FAT3: variants seen among roughly 807,000 people sequenced by gnomAD.
FAT3 encodes protocadherin Fat 3.
In FAT3, 95 loss-of-function variants were observed where a neutral mutation model predicts 310.2. The ratio of observed to expected loss-of-function variants is 0.31; its 90% CI spans 0.26 to 0.36. FAT3 has a LOEUF of 0.36. Ranked by LOEUF, FAT3 falls within the 10% of genes least tolerant of loss-of-function variation. The pLI is 1.00. For missense variants in FAT3, 5,408 were observed against 5,715.6 expected (o/e 0.95, Z 1.74); for synonymous variants, 2,314 against 2,192.9 (o/e 1.06, Z -1.54).
rs1452577850 is a variant in FAT3 at position 92,471,179 on chromosome 11, G to GCCTAAATT, written c.3293-53455_3293-53454insCCTAAATT. Among the ~76,000 whole-genome samples the GCCTAAATT allele has an allele frequency of 4.6e-5, 7 of 152,182 alleles. No homozygotes were observed. The East Asian group carries it at 1.4e-3, about 29-fold the overall frequency. On this transcript the variant is annotated intron_variant, in intron 2 of 27. Transcript: ENST00000525166. ...CCTATTATAAGCAATGCTTTGATAAGTATCCGAAGCCTAAATCTTTTAGCA... is the reference window on the plus strand; with the variant it reads ...CCTATTATAAGCAATGCTTTGATAAGCCTAAATTTATCCGAAGCCTAAATCTTTTAGCA...
At chr11:92,342,609 C>T (rs11019912) in intron 1 of FAT3, among the ~76,000 whole-genome samples, 3 of 152,006 alleles carry the variant, frequency 2.0e-5, no homozygotes, top group Non-Finnish European at 2.9e-5. Context: ...TTTTGCCCCC[C>T]GACTATTGGA....
chr11:92,599,115 G>A (rs940547496), intron 3 of FAT3, among the ~76,000 whole-genome samples: 2 of 152,086 alleles, frequency 1.3e-5, no homozygotes, highest in Non-Finnish European at 2.9e-5. Context: ...ACTATTCAGG[G>A]GAGTACACTT....
At chr11:92,603,284 T>C (rs1311572919) in intron 3 of FAT3, among the ~76,000 whole-genome samples, 7 of 152,210 alleles carry the variant, frequency 4.6e-5, no homozygotes, top group Admixed American at 1.3e-4. Context: ...GCGTGCAATT[T>C]CATAGTAACT....
At chr11:92,551,536 T>A (rs1240112101) in intron 3 of FAT3, among the ~76,000 whole-genome samples, 1 of 151,970 alleles carries the variant, frequency 6.6e-6, no homozygotes, top group East Asian at 1.9e-4. Flanking sequence ...TTCTGTATTT[T>A]ACAATGACTC....
At chr11:92,367,985 G>T (rs1012611550) in intron 2 of FAT3, among the ~76,000 whole-genome samples, 1 of 152,216 alleles carries the variant, frequency 6.6e-6, no homozygotes, top group Non-Finnish European at 1.5e-5. Context: ...GAACAAAATT[G>T]TGTTTGTTTA....
intron 19 of FAT3, among the ~76,000 whole-genome samples, chr11:92,855,980 C>CCT (rs374247060): frequency 7.7e-6 from 1 of 129,240 alleles, no homozygotes; most frequent in Non-Finnish European, 1.6e-5. Flanking sequence ...GGACAATATG[C>CCT]TTTTTTTTTT....
chr11:92,823,439 A>C (rs1392514314), intron 13 of FAT3, among the ~76,000 whole-genome samples: 1 of 152,176 alleles, frequency 6.6e-6, no homozygotes, highest in Admixed American at 6.5e-5. Context: ...CAATGGGGCC[A>C]GTTTTATAGG....
At chr11:92,777,262 A>T (rs1251732989) in intron 7 of FAT3, among the ~76,000 whole-genome samples, 1 of 152,192 alleles carries the variant, frequency 6.6e-6, no homozygotes, top group African/African-American at 2.4e-5. Flanking sequence ...TCATCCATAA[A>T]CAACATGTTG....
chr11:92,790,385 T>C (rs1320516600), intron 8 of FAT3, among the ~76,000 whole-genome samples, 167 bp downstream of exon 8: 2 of 152,214 alleles, frequency 1.3e-5, no homozygotes, highest in African/African-American at 2.4e-5. Context: ...AATGAAGAAT[T>C]ACTGTTGTTA....
chr11:92,378,075 C>T (rs1395941212), intron 2 of FAT3, among the ~76,000 whole-genome samples: 3 of 152,102 alleles, frequency 2.0e-5, no homozygotes, highest in Admixed American at 6.5e-5. Context: ...TCAAAAATTA[C>T]AGTAGCTTAC....
chr11:92,789,843 C>G (rs1946989830), intron 7 of FAT3, 100 bp from the exon 8 acceptor site: 1 of 1,251,814 alleles, frequency 8.0e-7, no homozygotes, highest in South Asian at 1.4e-5. Context: ...AAGCTAGGAT[C>G]CAAGGACGGG....
intron 2 of FAT3, among the ~76,000 whole-genome samples, chr11:92,381,109 T>C (rs959816246): frequency 2.0e-5 from 3 of 152,230 alleles, no homozygotes; most frequent in African/African-American, 7.2e-5. Context: ...TATAGCCATA[T>C]TAAGAATGAG....
chr11:92,489,443 C>T (rs917335968), intron 2 of FAT3, among the ~76,000 whole-genome samples: 1 of 152,060 alleles, frequency 6.6e-6, no homozygotes, highest in Admixed American at 6.6e-5. Flanking sequence ...GCTCTTCACT[C>T]AATTGTGGTG....
intron 1 of FAT3, chr11:92,336,520 C>G (rs1381777095): frequency 4.2e-6 from 1 of 240,802 alleles, no homozygotes; most frequent in African/African-American, 2.3e-5. Context: ...ACAGGGTCTC[C>G]AACTCCTATA....
At chr11:92,241,784 A>T (rs1864678256) in intron 1 of FAT3, among the ~76,000 whole-genome samples, 1 of 152,068 alleles carries the variant, frequency 6.6e-6, no homozygotes, top group Admixed American at 6.6e-5. Flanking sequence ...TGTAAAAGTA[A>T]AATTAAAAAA....
In FAT3 at chr11:92,282,479, A is replaced by G. The variant is rs531444220; in HGVS notation, c.-18+57305A>G. Among the ~76,000 whole-genome samples, 17 of 152,174 alleles carry G rather than the reference A, an allele frequency of 1.1e-4. 1 individual carries two copies. The highest frequency in any genetic ancestry group is 9.8e-4 in the Admixed American group (15 of 15,282). On this transcript the variant is annotated intron_variant, in intron 1 of 27. Coordinates refer to ENST00000525166, the MANE Select transcript of FAT3 (RefSeq NM_001367949.2). ...CAGGCGTTCGAGACCAGCCTGGCCA[A>G]CATGGTGAAAACTCATCTCTACTAA...
intron 3 of FAT3, among the ~76,000 whole-genome samples, chr11:92,553,074 A>G (rs1011385173): frequency 5.3e-5 from 8 of 152,206 alleles, no homozygotes; most frequent in African/African-American, 1.9e-4. Flanking sequence ...CAGAAAAACA[A>G]GAGCACTTTT....
At chr11:92,793,512 CAAAT>C (rs1236340633) in intron 9 of FAT3, among the ~76,000 whole-genome samples, 2 of 152,128 alleles carry the variant, frequency 1.3e-5, no homozygotes, top group Non-Finnish European at 2.9e-5. Context: ...CTGAACCTGA[CAAAT>C]AAATACAGGC....
intron 1 of FAT3, among the ~76,000 whole-genome samples, chr11:92,283,129 C>G (rs567016112): frequency 7.9e-5 from 12 of 152,244 alleles, no homozygotes; most frequent in African/African-American, 2.9e-4. Flanking sequence ...GTCTACAGCC[C>G]AGCCCGATTG....
Sources: allele counts gnomAD v4.1 joint callset (sites outside exome capture counted in the v4.1 genomes callset), GRCh38; gene constraint gnomAD v4.1.1; transcripts MANE v1.5; gene names NCBI Gene and HGNC (gene_info 2026-07-23, HGNC 2026-07-21).